Variants in PRKCH observed in about 807,000 individuals in gnomAD.
PRKCH encodes the protein protein kinase C eta.
PRKCH carries 28 observed loss-of-function variants against 82.5 expected under a neutral mutation model. The observed-to-expected ratio is 0.34, with a 90% confidence interval of 0.25 to 0.47. The LOEUF (loss-of-function observed/expected upper bound fraction) is 0.47, where lower values mean the gene tolerates loss of function less well. Among genes scored for constraint, PRKCH ranks in the 20% least tolerant of loss-of-function variants. The probability of loss-of-function intolerance (pLI) is 1.00; values close to 1 mark genes in which losing one functional copy is unlikely to be tolerated. For synonymous variants in PRKCH, 322 were observed against 327.4 expected (o/e 0.98, Z 0.18); for missense variants, 705 against 881.8 (o/e 0.80, Z 2.54).
intron 1 of PRKCH, among the ~76,000 whole-genome samples, chr14:61,255,646 T>C (rs2044990722): frequency 2.0e-5 from 3 of 152,188 alleles, no homozygotes; most frequent in Admixed American, 1.3e-4. Context: ...TGGCAAACAT[T>C]AATTAATTCT....
At chr14:61,380,798 G>A (rs1452049901) in intron 1 of PRKCH, among the ~76,000 whole-genome samples, 1 of 152,160 alleles carries the variant, frequency 6.6e-6, no homozygotes, top group Non-Finnish European at 1.5e-5. Flanking sequence ...CTCCTTGTTA[G>A]AGAAAAAATA....
At chr14:61,342,856 A>T (rs1385193673) in intron 1 of PRKCH, among the ~76,000 whole-genome samples, 1 of 152,188 alleles carries the variant, frequency 6.6e-6, no homozygotes, top group Non-Finnish European at 1.5e-5. Flanking sequence ...AGCCAAAAAG[A>T]TTGCCCTTAG....
intron 1 of PRKCH, among the ~76,000 whole-genome samples, chr14:61,193,015 G>A (rs1243072719): frequency 1.3e-5 from 2 of 152,178 alleles, no homozygotes; most frequent in Non-Finnish European, 2.9e-5. Context: ...CACAGGTTAT[G>A]TTTTTTCTGT....
chr14:61,268,629 T>A (rs1191234718), intron 1 of PRKCH, among the ~76,000 whole-genome samples: 1 of 152,094 alleles, frequency 6.6e-6, no homozygotes, highest in African/African-American at 2.4e-5. Context: ...GATCGTACCA[T>A]TGCACTCCAA....
intron 1 of PRKCH, among the ~76,000 whole-genome samples, chr14:61,224,213 A>T (rs1222496460): frequency 2.0e-5 from 3 of 152,072 alleles, no homozygotes; most frequent in Non-Finnish European, 4.4e-5. Context: ...TTTTAATAAA[A>T]TTTTTTATTT....
rs2045305465 is a variant in PRKCH at position 61,285,335 on chromosome 14, A to G, written c.-19+97667A>G. ...CTATGCCAATAAACTCTCAGATACT[A>G]GGAGAATAGTATTGGATAGGGGAAA... On this transcript the variant is annotated intron_variant, in intron 1 of 3. Transcript: ENST00000555185. 2.0e-5 allele frequency among the ~76,000 whole-genome samples: 3 copies of G among 152,256 alleles called. No homozygotes were observed. The South Asian group carries it at 6.2e-4, about 31-fold the overall frequency.
intron 1 of PRKCH, among the ~76,000 whole-genome samples, chr14:61,326,755 C>A (rs1264187155): frequency 6.6e-6 from 1 of 152,024 alleles, no homozygotes; most frequent in African/African-American, 2.4e-5. Context: ...AGAATGGGAG[C>A]GTAGAAAAAA....
At chr14:61,419,688 A>G (rs7155214) in intron 2 of PRKCH, among the ~76,000 whole-genome samples, 32,708 of 152,226 alleles carry the variant, frequency 0.21, 3,960 homozygotes, top group Admixed American at 0.35. Flanking sequence ...CAGATGCACT[A>G]TCCTAGAGGG....
intron 1 of PRKCH, among the ~76,000 whole-genome samples, chr14:61,265,541 C>G (rs1857124611): frequency 6.6e-6 from 1 of 152,160 alleles, no homozygotes; most frequent in Non-Finnish European, 1.5e-5. Flanking sequence ...AATAACTTTT[C>G]CAGGTCACAT....
intron 1 of PRKCH, among the ~76,000 whole-genome samples, chr14:61,310,031 C>T (rs753289971): frequency 5.3e-5 from 8 of 151,314 alleles, no homozygotes; most frequent in Admixed American, 2.0e-4. Context: ...TGGAGGGAAC[C>T]GCCCCCCCTC....
At chr14:61,302,393 G>T (rs2045454876) in intron 1 of PRKCH, among the ~76,000 whole-genome samples, 1 of 152,178 alleles carries the variant, frequency 6.6e-6, no homozygotes, top group Admixed American at 6.5e-5. Flanking sequence ...GGGGGAAAGT[G>T]TGGGGATCCA....
intron 2 of PRKCH, among the ~76,000 whole-genome samples, chr14:61,417,263 C>T (rs997586994): frequency 6.6e-6 from 1 of 152,216 alleles, no homozygotes; most frequent in Admixed American, 6.5e-5. Flanking sequence ...GACCCAATTG[C>T]TTTACCACAT....
At chr14:61,233,802 C>T (rs2044764389) in intron 1 of PRKCH, among the ~76,000 whole-genome samples, 1 of 152,210 alleles carries the variant, frequency 6.6e-6, no homozygotes, top group South Asian at 2.1e-4. Flanking sequence ...TGAGGCCTCT[C>T]CAGCCATGCT....
intron 10 of PRKCH, among the ~76,000 whole-genome samples, chr14:61,503,115 C>T (rs1886992694): frequency 6.8e-6 from 1 of 147,198 alleles, no homozygotes; most frequent in African/African-American, 2.5e-5. Context: ...CAAAAGCAAA[C>T]CCAAAATCTG....
intron 9 of PRKCH, among the ~76,000 whole-genome samples, chr14:61,481,365 T>C (rs955059730): frequency 6.6e-6 from 1 of 152,132 alleles, no homozygotes; most frequent in Non-Finnish European, 1.5e-5. Flanking sequence ...TGGATGCCAT[T>C]CCAACAAGCC....
At chr14:61,208,464 G>A (rs1258412086) in intron 1 of PRKCH, among the ~76,000 whole-genome samples, 1 of 152,268 alleles carries the variant, frequency 6.6e-6, no homozygotes, top group East Asian at 1.9e-4. Flanking sequence ...TCAGCAACAT[G>A]TTTGAGTAAA....
chr14:61,250,774 C>G (rs1453688869), intron 1 of PRKCH, among the ~76,000 whole-genome samples: 1 of 151,918 alleles, frequency 6.6e-6, no homozygotes, highest in Non-Finnish European at 1.5e-5. Context: ...TCGATTGTAA[C>G]AAATGTACCA....
At chr14:61,371,254 A>G (rs948660208) in intron 1 of PRKCH, among the ~76,000 whole-genome samples, 1 of 152,082 alleles carries the variant, frequency 6.6e-6, no homozygotes, top group East Asian at 1.9e-4. Context: ...TTTCTGTATT[A>G]TTAATGTCTT....
At chr14:61,227,960 T>C (rs1009534716) in intron 1 of PRKCH, among the ~76,000 whole-genome samples, 1 of 152,030 alleles carries the variant, frequency 6.6e-6, no homozygotes, top group African/African-American at 2.4e-5. Context: ...ACCACAAACT[T>C]TTCTTAACCC....
Sources: gnomAD v4.1 joint callset for allele counts (sites outside exome capture counted in the v4.1 genomes callset) on GRCh38, gnomAD v4.1.1 for gene constraint, MANE v1.5 for transcripts, NCBI Gene and HGNC (gene_info 2026-07-23, HGNC 2026-07-21) for gene names.